Variants in ZNF446 observed in about 807,000 individuals in gnomAD.
ZNF446 encodes zinc finger protein 446.
In ZNF446, 42 loss-of-function variants were observed where a neutral mutation model predicts 34.0. The observed-to-expected ratio is 1.23, with a 90% CI of 0.96 to 1.60. The LOEUF (loss-of-function observed/expected upper bound fraction) is 1.60. ZNF446 is among the 40% of genes most tolerant of loss of function. ZNF446 has a pLI of 0.00. For synonymous variants in ZNF446, 315 were observed against 251.0 expected, an observed-to-expected ratio of 1.25 and a Z score of -2.41; for missense variants, 650 against 600.2, an observed-to-expected ratio of 1.08 and a Z score of -0.87.
the ZNF446 span, among the ~76,000 whole-genome samples, chr19:58,486,425 G>A: frequency 6.6e-6 from 1 of 150,986 alleles, no homozygotes; most frequent in Non-Finnish European, 1.5e-5. Flanking sequence ...TTTGTTTTTT[G>A]AGACGAAGTC....
At chr19:58,478,305 G>A (rs1403182678) in intron 4 of ZNF446, 124 bp downstream of exon 4, 5 of 854,018 alleles carry the variant, frequency 5.9e-6, no homozygotes, top group African/African-American at 3.5e-5. Context: ...CAGAAGTGGA[G>A]TCTGTAAAAG....
intron 3 of ZNF446, 24 bp downstream of exon 3, chr19:58,477,850 A>T (rs1265848126): frequency 6.6e-7 from 1 of 1,511,652 alleles, no homozygotes; most frequent in East Asian, 2.3e-5. Flanking sequence ...CCCACCAGAG[A>T]TGAGGGACTC....
chr19:58,478,863 A>G (rs1315570083), intron 4 of ZNF446, among the ~76,000 whole-genome samples: 1 of 151,944 alleles, frequency 6.6e-6, no homozygotes, highest in Non-Finnish European at 1.5e-5. Context: ...CAGCTGTGGC[A>G]GGACTCCCCC....
the ZNF446 span, among the ~76,000 whole-genome samples, chr19:58,486,369 C>T: frequency 6.7e-6 from 1 of 148,936 alleles, no homozygotes; most frequent in African/African-American, 2.5e-5. Flanking sequence ...GCAGGCATGA[C>T]CCACCATTCC....
Position 58,480,661 on chromosome 19 carries a change from C to T in ZNF446, c.1288C>T (p.Arg430Cys), listed in dbSNP as rs763448683. 21 of 1,611,296 alleles carry T rather than the reference C, an allele frequency of 1.3e-5. No individual in the cohort carries two copies. The East Asian group carries it at 1.3e-4, about 10-fold the overall frequency. Residue 430 changes from arginine to cysteine, a missense_variant, in exon 7 of 7, where the codon CGC (arginine) becomes TGC (cysteine). Transcript: ENST00000594369. This position sits in a 1 kb window ranked among gnomAD's most constrained non-coding sequence, Gnocchi z 7.2. ...GCGTCACTTCTGCAGTGACTGTGGC[C>T]GCGCCTTCGACTGGAAGTCGCAGCT... is the stretch of plus-strand genomic sequence containing the variant. ...QRRHFCSDCG[R>C]AFDWKSQLVI...
chr19:58,480,587 G>C lies in ZNF446; in HGVS notation c.1214G>C (p.Ser405Thr), dbSNP rs1041733718. Reference sequence around the variant, plus strand: ...TGTGAGGAGTGCGGGTGCAGCTTCAGCTGGAAGTCGCAGCTGGTCATCCAC... The same window carrying C: ...TGTGAGGAGTGCGGGTGCAGCTTCACCTGGAAGTCGCAGCTGGTCATCCAC... ...YPCEECGCSFSWKSQLVIHRK... is the reference protein window; with the variant it reads ...YPCEECGCSFTWKSQLVIHRK... Residue 405 changes from serine to threonine, a missense_variant, in exon 7 of 7, where the codon AGC (serine) becomes ACC (threonine). Coordinates refer to ENST00000594369, the MANE Select transcript of ZNF446 (RefSeq NM_017908.4). The surrounding 1 kb of genome is among the most constrained non-coding windows in gnomAD (Gnocchi z 7.2). The C allele has an allele frequency of 3.1e-6, 5 of 1,612,912 alleles. No individual in the cohort carries two copies. Among genetic ancestry groups the C allele is most frequent in the Non-Finnish European group, 4.2e-6 (5 of 1,179,976 alleles).
chr19:58,486,990 C>T, the ZNF446 span, among the ~76,000 whole-genome samples: 86 of 94,166 alleles, frequency 9.1e-4, no homozygotes, highest in South Asian at 0.025. Flanking sequence ...TTAGTAGAGA[C>T]GGGGTTTCAC....
At chr19:58,487,339 C>A in the ZNF446 span, among the ~76,000 whole-genome samples, 1 of 152,186 alleles carries the variant, frequency 6.6e-6, no homozygotes, top group Non-Finnish European at 1.5e-5. Flanking sequence ...ACCCGGAACT[C>A]CTAGTCTCGA....
chr19:58,488,131 C>T, the ZNF446 span, among the ~76,000 whole-genome samples: 3 of 95,402 alleles, frequency 3.1e-5, no homozygotes, highest in African/African-American at 7.1e-5. Flanking sequence ...ACCACACACC[C>T]TGTTCATGGC....
At chr19:58,478,261 T>G in intron 4 of ZNF446, 80 bp downstream of exon 4, 6 of 1,362,344 alleles carry the variant, frequency 4.4e-6, no homozygotes, top group Non-Finnish European at 5.0e-6. Flanking sequence ...CCTGGTGGTT[T>G]TCCAGGCTCC....
rs1185685912 is a variant in ZNF446, at chr19:58,480,117, C to G, written c.803-59C>G. ...GGGACGGGAGCTTGTGCCACGGCCA[C>G]AAGCCTGAGGGAGGGGTTGCTGAGT... On this transcript the variant is annotated intron_variant, in intron 6 of 6. Transcript: ENST00000594369. The surrounding 1 kb of genome is among the most constrained non-coding windows in gnomAD (Gnocchi z 7.2). 1.3e-6 allele frequency: 2 copies of G among 1,567,290 alleles called. No individual in the cohort carries two copies. Among genetic ancestry groups the G allele is most frequent in the Admixed American group, 3.5e-5 (2 of 56,810 alleles).
chr19:58,482,397 G>A (rs998235136), downstream of ZNF446, among the ~76,000 whole-genome samples: 1 of 152,110 alleles, frequency 6.6e-6, no homozygotes, highest in Admixed American at 6.6e-5. Context: ...CTGGGGATTG[G>A]AATGGGGACT....
chr19:58,489,226 G>A, the ZNF446 span, among the ~76,000 whole-genome samples: 11 of 152,274 alleles, frequency 7.2e-5, no homozygotes, highest in East Asian at 2.1e-3. Context: ...CACGCAGCTG[G>A]AGGCTAGAAG....
At chr19:58,478,914 C>T (rs1249321459) in intron 4 of ZNF446, among the ~76,000 whole-genome samples, 1 of 152,104 alleles carries the variant, frequency 6.6e-6, no homozygotes, top group Admixed American at 6.5e-5. Flanking sequence ...CTGGGAAATG[C>T]CCGAAGTCCC....
rs139524979 is a variant in ZNF446 at position 58,477,229 on chromosome 19, C to T, written c.11C>T (p.Pro4Leu). The change falls in exon 2 of 7, where the codon CCT becomes CTT. Residue 4 changes from proline to leucine, a missense_variant. Coordinates refer to ENST00000594369, the MANE Select transcript of ZNF446 (RefSeq NM_017908.4). The part of the protein sequence containing the change: MPS[P>L]LGPPCLPVMD... Reference sequence around the variant, plus strand: ...CCCCCTTGAGCAAGAATGCCATCCCCTCTGGGTCCCCCATGCCTGCCCGTC... The same window carrying T: ...CCCCCTTGAGCAAGAATGCCATCCCTTCTGGGTCCCCCATGCCTGCCCGTC... 404 of 1,573,872 alleles carry T rather than the reference C, an allele frequency of 2.6e-4. 1 individual carries two copies. The highest frequency in any genetic ancestry group is 2.2e-3 in the Middle Eastern group (12 of 5,364).
downstream of ZNF446, chr19:58,483,545 G>A (rs1015733806): frequency 3.3e-5 from 5 of 152,108 alleles, no homozygotes; most frequent in African/African-American, 1.2e-4. Flanking sequence ...TAGTCCCAGG[G>A]AGACTGAGGT....
At chr19:58,482,018 T>C (rs1396057096), downstream of ZNF446, among the ~76,000 whole-genome samples, 1 of 152,070 alleles carries the variant, frequency 6.6e-6, no homozygotes, top group Non-Finnish European at 1.5e-5. Flanking sequence ...ATGGTCTCGA[T>C]CTCCTGACCT....
chr19:58,480,746 C>T lies in ZNF446; in HGVS notation c.*20C>T, dbSNP rs1405340828. 1 of 1,585,354 alleles carries T rather than the reference C, an allele frequency of 6.3e-7. No homozygotes were observed. The highest frequency in any genetic ancestry group is 8.6e-7 in the Non-Finnish European group (1 of 1,168,752). On this transcript the variant is annotated 3_prime_UTR_variant, in exon 7 of 7. Transcript: ENST00000594369. The surrounding 1 kb of genome is among the most constrained non-coding windows in gnomAD (Gnocchi z 7.2). ...CCATGAGCAGCCAGACAGCACAGTCCCTCGGGGCCTCGGTGTTCTCGGGGC... is the reference window on the plus strand; with the variant it reads ...CCATGAGCAGCCAGACAGCACAGTCTCTCGGGGCCTCGGTGTTCTCGGGGC...
chr19:58,479,190 T>G (rs998282041), intron 4 of ZNF446, among the ~76,000 whole-genome samples: 5 of 152,092 alleles, frequency 3.3e-5, no homozygotes, highest in Non-Finnish European at 7.4e-5. Context: ...CACTTCCCAG[T>G]GTCCTCACCT....
Sources: gnomAD v4.1 joint callset for allele counts (sites outside exome capture counted in the v4.1 genomes callset) on GRCh38, gnomAD v4.1.1 for gene constraint, Gnocchi (gnomAD v3.1) non-coding constraint, MANE v1.5 for transcripts, NCBI Gene and HGNC (gene_info 2026-07-23, HGNC 2026-07-21) for gene names.